The following RELN variants were observed in gnomAD, a reference collection of about 807,000 sequenced individuals.
RELN encodes the protein reelin.
A neutral mutation model predicts 427.6 loss-of-function variants in RELN; 108 were observed. That is an observed-to-expected ratio of 0.25 (90% confidence interval 0.22 to 0.30). The LOEUF (loss-of-function observed/expected upper bound fraction) is 0.30, where lower values mean the gene tolerates loss of function less well. RELN is among the 10% of genes least tolerant of loss of function. RELN has a pLI of 1.00. For synonymous variants in RELN, 1,524 were observed against 1,513.4 expected (o/e 1.01, Z -0.16); for missense variants, 3,715 against 4,302.8 (o/e 0.86, Z 3.82).
chr7:103,729,750 A>G (rs1790306044), intron 6 of RELN, among the ~76,000 whole-genome samples: 1 of 152,154 alleles, frequency 6.6e-6, no homozygotes, highest in Non-Finnish European at 1.5e-5. Flanking sequence ...ATAAATGCAT[A>G]TAAGACAACT....
At chr7:103,799,292 C>T (rs1792386129) in intron 3 of RELN, among the ~76,000 whole-genome samples, 1 of 152,154 alleles carries the variant, frequency 6.6e-6, no homozygotes, top group Admixed American at 6.5e-5. Context: ...GCATTATCTA[C>T]CCCTAGTCTG....
At position 103,630,867 on chromosome 7, in the gene RELN, T is replaced by G. The variant is rs1313006621; in HGVS notation, c.2466-691A>C. ...TATTTTTTTGTTTTTTTTGTTTTTTTTTTTTTTGTTTTTTAACTAATGAGC... is the reference window on the plus strand; with the variant it reads ...TATTTTTTTGTTTTTTTTGTTTTTTGTTTTTTTGTTTTTTAACTAATGAGC... On this transcript the variant is annotated intron_variant, in intron 19 of 64. Transcript: ENST00000428762. Among the ~76,000 whole-genome samples the G allele has an allele frequency of 7.4e-5, 11 of 149,352 alleles. 1 individual carries two copies. The highest frequency in any genetic ancestry group is 2.7e-4 in the Admixed American group (4 of 15,050).
At chr7:103,506,225 A>C (rs903717065) in intron 51 of RELN, among the ~76,000 whole-genome samples, 20 of 152,128 alleles carry the variant, frequency 1.3e-4, no homozygotes, top group Non-Finnish European at 2.5e-4. Flanking sequence ...CAAATTCAGG[A>C]AATACAGAGA....
intron 57 of RELN, among the ~76,000 whole-genome samples, chr7:103,493,987 C>T (rs1828749808): frequency 6.6e-6 from 1 of 151,976 alleles, no homozygotes; most frequent in Non-Finnish European, 1.5e-5. Context: ...ACTTCTGTTA[C>T]AGAAGTAACA....
intron 2 of RELN, among the ~76,000 whole-genome samples, chr7:103,869,849 A>T (rs1331094356): frequency 6.6e-6 from 1 of 152,108 alleles, no homozygotes; most frequent in Non-Finnish European, 1.5e-5. Context: ...TCCAACTTTA[A>T]TTCTCTGTTT....
intron 1 of RELN, among the ~76,000 whole-genome samples, chr7:103,977,320 A>C (rs1178818974): frequency 4.1e-5 from 2 of 49,170 alleles, no homozygotes; most frequent in African/African-American, 6.6e-5. Context: ...CAAAAAAAAA[A>C]AAAAAAAAAA....
chr7:103,821,753 C>T (rs969896938), intron 3 of RELN, among the ~76,000 whole-genome samples: 3 of 152,064 alleles, frequency 2.0e-5, no homozygotes, highest in African/African-American at 7.2e-5. Flanking sequence ...AAGGGACCTA[C>T]CATCTTTGCT....
chr7:103,781,255 T>C (rs1510846), intron 3 of RELN, among the ~76,000 whole-genome samples: 46,182 of 151,972 alleles, frequency 0.3, 7,200 homozygotes, highest in East Asian at 0.47. Context: ...CCTATTTGAA[T>C]GTATTTAGAG....
chr7:103,579,347 C>T (rs963311845), intron 28 of RELN, among the ~76,000 whole-genome samples: 4 of 152,114 alleles, frequency 2.6e-5, no homozygotes, highest in Non-Finnish European at 5.9e-5. Context: ...GCCTGTAATC[C>T]CAGTGCTTTG....
chr7:103,762,234 C>T (rs564116693), intron 4 of RELN, among the ~76,000 whole-genome samples: 74 of 152,102 alleles, frequency 4.9e-4, no homozygotes, highest in Non-Finnish European at 8.2e-4. Flanking sequence ...CTGGAGCAGC[C>T]AGCTTGGCGC....
At position 103,491,856 on chromosome 7, in the gene RELN, T is replaced by TCTCTCTCACACA. The variant is rs57217576; in HGVS notation, c.9443+96_9443+97insTGTGTGAGAGAG. The TCTCTCTCACACA allele has an allele frequency of 2.5e-3, 716 of 288,538 alleles. 8 individuals are homozygous for TCTCTCTCACACA. The highest frequency in any genetic ancestry group is 0.013 in the African/African-American group (368 of 27,584). 17.9% of individuals were successfully genotyped at this position (288,538 alleles called of 1,614,324 possible). A position where few individuals can be genotyped will look rare whatever the true frequency, so the allele number is the denominator to read the frequency against. ...CTCTCTCTCTCTCTCTCTCTCTCTC[T>TCTCTCTCACACA]CACACACACACACACACACACACAC... On this transcript the variant is annotated intron_variant, in intron 58 of 64. Coordinates refer to ENST00000428762, the MANE Select transcript of RELN (RefSeq NM_005045.4).
intron 1 of RELN, among the ~76,000 whole-genome samples, chr7:103,947,177 G>A (rs1170862223): frequency 6.6e-6 from 1 of 152,136 alleles, no homozygotes; most frequent in Non-Finnish European, 1.5e-5. Context: ...AATCAACTGT[G>A]ACTCATTATA....
At chr7:103,923,623 T>C (rs1419884342) in intron 1 of RELN, among the ~76,000 whole-genome samples, 1 of 152,152 alleles carries the variant, frequency 6.6e-6, no homozygotes, top group African/African-American at 2.4e-5. Context: ...ATCAGCCTTT[T>C]GTGAGGGGTA....
intron 11 of RELN, among the ~76,000 whole-genome samples, chr7:103,665,051 T>C (rs1208730807): frequency 3.3e-5 from 5 of 152,178 alleles, no homozygotes; most frequent in African/African-American, 1.2e-4. Context: ...TATTTTCTTC[T>C]AAAAGTTTTA....
At chr7:103,858,098 TG>T (rs1793988315) in intron 2 of RELN, among the ~76,000 whole-genome samples, 1 of 152,132 alleles carries the variant, frequency 6.6e-6, no homozygotes, top group East Asian at 1.9e-4. Flanking sequence ...GTGTCTAGTT[TG>T]TTCAATAGTC....
intron 30 of RELN, 56 bp downstream of exon 30, chr7:103,574,036 A>G: frequency 1.5e-6 from 2 of 1,311,824 alleles, no homozygotes; most frequent in Non-Finnish European, 1.1e-6. Context: ...AAGTTAGACT[A>G]CATCGTGTGG....
At chr7:103,847,812 A>T (rs1272494968) in intron 2 of RELN, among the ~76,000 whole-genome samples, 3 of 152,176 alleles carry the variant, frequency 2.0e-5, no homozygotes, top group Non-Finnish European at 4.4e-5. Flanking sequence ...GCATATGTGT[A>T]AAATCTGACT....
intron 6 of RELN, among the ~76,000 whole-genome samples, chr7:103,743,891 T>C (rs1240558337): frequency 6.6e-6 from 1 of 152,090 alleles, no homozygotes; most frequent in Non-Finnish European, 1.5e-5. Context: ...AGGAATTGAA[T>C]TCAGCTATGC....
At chr7:103,811,292 C>T (rs559699797) in intron 3 of RELN, among the ~76,000 whole-genome samples, 1 of 152,226 alleles carries the variant, frequency 6.6e-6, no homozygotes, top group South Asian at 2.1e-4. Context: ...AAGTGTAGAG[C>T]AACCTATTAT....
Sources: gnomAD v4.1 joint callset for allele counts (sites outside exome capture counted in the v4.1 genomes callset) on GRCh38, gnomAD v4.1.1 for gene constraint, MANE v1.5 for transcripts, NCBI Gene and HGNC (gene_info 2026-07-23, HGNC 2026-07-21) for gene names.